The following TMEM132B variants were observed in gnomAD, a reference collection of about 807,000 sequenced individuals.
TMEM132B encodes the protein transmembrane protein 132B.
Under a neutral mutation model 90.8 loss-of-function variants are expected in TMEM132B, and 18 were observed. That is an observed-to-expected ratio of 0.20 (90% confidence interval 0.14 to 0.29). The LOEUF is 0.29. TMEM132B is among the 10% of genes least tolerant of loss of function. The pLI, the probability that TMEM132B is intolerant of heterozygous loss-of-function variation, is 1.00. For synonymous variants in TMEM132B, 504 were observed against 523.3 expected (o/e 0.96, Z 0.50); for missense variants, 1,096 against 1,326.8 (o/e 0.83, Z 2.70).
intron 3 of TMEM132B, among the ~76,000 whole-genome samples, chr12:125,441,049 T>C (rs1304267796): frequency 6.6e-6 from 1 of 152,208 alleles, no homozygotes; most frequent in Non-Finnish European, 1.5e-5. Flanking sequence ...TTATTAGCCA[T>C]GTGACCTTGA....
intron 1 of TMEM132B, among the ~76,000 whole-genome samples, chr12:125,322,446 G>A (rs890210952): frequency 2.0e-5 from 3 of 152,184 alleles, no homozygotes; most frequent in Non-Finnish European, 4.4e-5. Flanking sequence ...GTCTACACAT[G>A]TATGTGAATA....
In TMEM132B at chr12:125,332,238, G is replaced by T. The variant is rs149297183; in HGVS notation, c.68-17214G>T. Among the ~76,000 whole-genome samples, 391 of 152,136 alleles carry T rather than the reference G, an allele frequency of 2.6e-3. 3 individuals are homozygous for T. Among genetic ancestry groups the T allele is most frequent in the African/African-American group, 8.9e-3 (369 of 41,512 alleles). On this transcript the variant is annotated intron_variant, in intron 1 of 8. Transcript: ENST00000682704. The stretch of plus-strand genomic sequence containing the variant: ...TGTTAATGTAGTTAGAACAGTGACT[G>T]GTACTCAGTAGATATCTGACAAATT...
Position 125,465,424 on chromosome 12 carries a change from C to T in TMEM132B, c.1106+49747C>T, listed in dbSNP as rs931661194. ...ATGCCTTCATCAGGTAAGGCAATAA[C>T]TCCTCTTATTAATGCATTATGACTT... On this transcript the variant is annotated intron_variant, in intron 3 of 8. Coordinates refer to ENST00000682704, the MANE Select transcript of TMEM132B (RefSeq NM_001366854.1). 2.0e-5 allele frequency among the ~76,000 whole-genome samples: 3 copies of T among 152,202 alleles called. No homozygotes were observed. In the South Asian group the frequency reaches 6.2e-4, roughly 32 times the overall value.
intron 1 of TMEM132B, among the ~76,000 whole-genome samples, chr12:125,220,283 A>G (rs116986217): frequency 0.036 from 5,495 of 152,296 alleles, 129 homozygotes; most frequent in Non-Finnish European, 0.049. Context: ...TCCTTCCTCA[A>G]GCCACCTTGT....
At chr12:125,645,217 C>CAAAAAA (rs57035989) in intron 6 of TMEM132B, among the ~76,000 whole-genome samples, 1 of 73,574 alleles carries the variant, frequency 1.4e-5, no homozygotes. Context: ...GACTCCGTCT[C>CAAAAAA]AAAAAAAAAA....
At chr12:125,653,497 T>A in intron 8 of TMEM132B, 68 bp from the exon 9 acceptor site, 1 of 1,479,626 alleles carries the variant, frequency 6.8e-7, no homozygotes, top group South Asian at 1.4e-5. Context: ...ATATAGGAAA[T>A]TATACTTATG....
intron 1 of TMEM132B, among the ~76,000 whole-genome samples, chr12:125,241,473 C>T (rs1419497366): frequency 6.6e-6 from 1 of 152,164 alleles, no homozygotes; most frequent in Non-Finnish European, 1.5e-5. Context: ...TTACTCACCC[C>T]AGGCCCTGGA....
intron 5 of TMEM132B, among the ~76,000 whole-genome samples, chr12:125,600,786 A>G (rs1885549009): frequency 6.6e-6 from 1 of 152,214 alleles, no homozygotes; most frequent in Admixed American, 6.5e-5. Flanking sequence ...TACCAAGCAA[A>G]TGGAAAGAAA....
intron 4 of TMEM132B, among the ~76,000 whole-genome samples, chr12:125,570,279 A>G (rs1224258275): frequency 1.3e-5 from 2 of 152,128 alleles, no homozygotes; most frequent in African/African-American, 2.4e-5. Context: ...GCAGTGGAGG[A>G]ACTGTTGTTC....
intron 3 of TMEM132B, among the ~76,000 whole-genome samples, chr12:125,470,377 G>A (rs1268208850): frequency 6.6e-6 from 1 of 152,206 alleles, no homozygotes; most frequent in Non-Finnish European, 1.5e-5. Flanking sequence ...GGCTAGGGGA[G>A]AATTTTTCAG....
intron 2 of TMEM132B, among the ~76,000 whole-genome samples, chr12:125,374,237 C>T (rs1341259689): frequency 6.6e-6 from 1 of 152,196 alleles, no homozygotes; most frequent in Admixed American, 6.5e-5. Context: ...CTATGAAGAA[C>T]ACTGTTAGTG....
In TMEM132B at chr12:125,408,470, G is replaced by T. The variant is rs1294931656; in HGVS notation, c.960-7061G>T. ...CATGCGAGGACACAGCATGACAGCC[G>T]CATCTATAAAAAAGCAAGCTCTCAC... On this transcript the variant is annotated intron_variant, in intron 2 of 8. Coordinates refer to ENST00000682704, the MANE Select transcript of TMEM132B (RefSeq NM_001366854.1). The surrounding 1 kb of genome is among the most constrained non-coding windows in gnomAD (Gnocchi z 5.9). Among the ~76,000 whole-genome samples, 2 of 152,234 alleles carry T rather than the reference G, an allele frequency of 1.3e-5. No homozygotes were observed. The highest frequency in any genetic ancestry group is 1.5e-5 in the Non-Finnish European group (1 of 68,032).
intron 4 of TMEM132B, among the ~76,000 whole-genome samples, chr12:125,533,370 C>T (rs1040919591): frequency 2.6e-5 from 4 of 152,200 alleles, no homozygotes; most frequent in Non-Finnish European, 1.5e-5. Context: ...ACTGGCCAAT[C>T]GGAATAGATG....
At chr12:125,574,840 A>G (rs958348450) in intron 4 of TMEM132B, among the ~76,000 whole-genome samples, 1 of 151,626 alleles carries the variant, frequency 6.6e-6, no homozygotes, top group African/African-American at 2.4e-5. Flanking sequence ...GAGGAGTGGT[A>G]TGAGCCTTTC....
intron 2 of TMEM132B, among the ~76,000 whole-genome samples, chr12:125,361,966 T>G (rs1027028137): frequency 6.6e-6 from 1 of 152,198 alleles, no homozygotes; most frequent in Admixed American, 6.5e-5. Flanking sequence ...AATATCTTAG[T>G]GAACACTTAG....
intron 5 of TMEM132B, among the ~76,000 whole-genome samples, chr12:125,598,324 G>A (rs1885491664): frequency 6.6e-6 from 1 of 152,150 alleles, no homozygotes; most frequent in Non-Finnish European, 1.5e-5. Flanking sequence ...GGTGACACGT[G>A]TTCATTGAAC....
Position 125,415,462 on chromosome 12 carries a change from T to C in TMEM132B, c.960-69T>C. On this transcript the variant is annotated intron_variant, in intron 2 of 8. Transcript: ENST00000682704. The surrounding 1 kb of genome is among the most constrained non-coding windows in gnomAD (Gnocchi z 5.3). ...TTCCCAGTGATCTGCTCTCGTGCCA[T>C]CTTTTACTACCTGTTTCAAACTAAA... The C allele has an allele frequency of 6.4e-7, 1 of 1,569,730 alleles. No individual in the cohort carries two copies. Among genetic ancestry groups the C allele is most frequent in the Non-Finnish European group, 8.7e-7 (1 of 1,154,372 alleles).
intron 3 of TMEM132B, among the ~76,000 whole-genome samples, chr12:125,425,064 G>A (rs1467810322): frequency 1.3e-5 from 2 of 152,144 alleles, no homozygotes; most frequent in Non-Finnish European, 2.9e-5. Flanking sequence ...TGAGACATGG[G>A]GAGGAGGTGG....
intron 5 of TMEM132B, among the ~76,000 whole-genome samples, chr12:125,592,660 A>G (rs1352682421): frequency 6.6e-6 from 1 of 152,198 alleles, no homozygotes; most frequent in East Asian, 1.9e-4. Context: ...GAGTGGCTGC[A>G]TTTCTTGGGG....
Sources: gnomAD v4.1 joint callset for allele counts (sites outside exome capture counted in the v4.1 genomes callset) on GRCh38, gnomAD v4.1.1 for gene constraint, Gnocchi (gnomAD v3.1) non-coding constraint, MANE v1.5 for transcripts, NCBI Gene and HGNC (gene_info 2026-07-23, HGNC 2026-07-21) for gene names.